The following SH3D19 variants were observed in gnomAD, a reference collection of about 807,000 sequenced individuals.
SH3D19 encodes the protein SH3 domain-containing protein 19.
SH3D19 carries 58 observed loss-of-function variants against 112.1 expected under a neutral mutation model. That is an observed-to-expected ratio of 0.52 (90% CI 0.42 to 0.64). SH3D19 has a LOEUF of 0.64. Ranked by LOEUF, SH3D19 falls within the 30% of genes least tolerant of loss-of-function variation. The pLI, the probability that SH3D19 is intolerant of heterozygous loss-of-function variation, is 0.00. For missense variants in SH3D19, 1,090 were observed against 1,263.4 expected, an observed-to-expected ratio of 0.86 and a Z score of 2.08; for synonymous variants, 391 against 448.5, an observed-to-expected ratio of 0.87 and a Z score of 1.62.
chr4:151,265,900 C>T (rs1772753218), intron 1 of SH3D19, among the ~76,000 whole-genome samples: 2 of 151,992 alleles, frequency 1.3e-5, no homozygotes, highest in Non-Finnish European at 1.5e-5. Flanking sequence ...ATACTTATTA[C>T]AGCAGCTTTG....
Position 151,174,790 on chromosome 4 carries a change from C to T in SH3D19, c.1414G>A (p.Val472Ile). The T allele has an allele frequency of 6.4e-7, 1 of 1,556,682 alleles. No individual in the cohort carries two copies. Among genetic ancestry groups the T allele is most frequent in the African/African-American group, 1.4e-5 (1 of 72,988 alleles). The change falls in exon 7 of 20, where the codon GTT (valine) becomes ATT (isoleucine). Residue 472 changes from valine to isoleucine, a missense_variant. By Grantham distance (29) the Val-to-Ile change is conservative. Transcript: ENST00000604030. ...LGEGPPANPPVPVLQSKPLVD... is the reference protein window; with the variant it reads ...LGEGPPANPPIPVLQSKPLVD... ...AAGGGCTTGCTCTGCAGAACTGGAA[C>T]TGGGGGGTTGGCTGGGGGCCCTTCT...
intron 1 of SH3D19, among the ~76,000 whole-genome samples, chr4:151,259,130 C>T (rs1364619190): frequency 6.6e-6 from 1 of 152,080 alleles, no homozygotes; most frequent in Non-Finnish European, 1.5e-5. Context: ...GCCCAGGTAA[C>T]AGAGTGAGAC....
At chr4:151,228,179 G>T in intron 1 of SH3D19, 1 of 399,640 alleles carries the variant, frequency 2.5e-6, no homozygotes. Context: ...ATCTGCTGGG[G>T]GAAATTTTAA....
At chr4:151,319,023 CATT>C (rs1730281288) in intron 1 of SH3D19, among the ~76,000 whole-genome samples, 1 of 152,126 alleles carries the variant, frequency 6.6e-6, no homozygotes, top group Admixed American at 6.5e-5. Context: ...ATTTTGCATA[CATT>C]ATATTGATGG....
At chr4:151,273,659 G>C (rs1025910663) in intron 1 of SH3D19, among the ~76,000 whole-genome samples, 8 of 148,426 alleles carry the variant, frequency 5.4e-5, no homozygotes, top group Admixed American at 2.0e-4. Flanking sequence ...CAGAGGGAAA[G>C]GACTCTCTGG....
intron 14 of SH3D19, among the ~76,000 whole-genome samples, 194 bp from the exon 15 acceptor site, chr4:151,135,326 T>G (rs553585827): frequency 6.6e-6 from 1 of 151,946 alleles, no homozygotes; most frequent in Non-Finnish European, 1.5e-5. Context: ...GTGTAACTTG[T>G]GAAGTAGCCT....
intron 9 of SH3D19, among the ~76,000 whole-genome samples, chr4:151,151,743 A>G (rs1755098166): frequency 6.6e-6 from 1 of 152,212 alleles, no homozygotes; most frequent in East Asian, 1.9e-4. Context: ...ACTGCTGCCT[A>G]TATTTTTCCT....
At chr4:151,177,248 T>C (rs1029930058) in intron 4 of SH3D19, among the ~76,000 whole-genome samples, 2 of 152,348 alleles carry the variant, frequency 1.3e-5, no homozygotes, top group South Asian at 2.1e-4. Context: ...GTAAGGCCTA[T>C]ACAATCTCTT....
rs149357650 is a variant in SH3D19 at position 151,211,642 on chromosome 4, A to C, written c.152+14405T>G. Among the ~76,000 whole-genome samples, 166 of 152,202 alleles carry C rather than the reference A, an allele frequency of 1.1e-3. 1 individual carries two copies. In the East Asian group the frequency reaches 0.019, roughly 17 times the overall value. ...CTATCCCAGGGACCACATGAATGAT[A>C]AGAAAGTGAAACAGCCTTGTTGCTG... On this transcript the variant is annotated intron_variant, in intron 2 of 19. Coordinates refer to ENST00000604030, the MANE Select transcript of SH3D19 (RefSeq NM_001378122.1).
chr4:151,245,939 T>G (rs1770913879), intron 1 of SH3D19, among the ~76,000 whole-genome samples: 1 of 151,928 alleles, frequency 6.6e-6, no homozygotes, highest in Non-Finnish European at 1.5e-5. Flanking sequence ...TGACCCATTC[T>G]CATTTCCCAA....
At chr4:151,162,870 C>T (rs1404253322) in intron 8 of SH3D19, among the ~76,000 whole-genome samples, 1 of 152,190 alleles carries the variant, frequency 6.6e-6, no homozygotes, top group African/African-American at 2.4e-5. Context: ...CCACCACACC[C>T]AGCCACAGGA....
intron 1 of SH3D19, chr4:151,291,543 G>C (rs1354705176): frequency 1.1e-6 from 1 of 876,316 alleles, no homozygotes; most frequent in Non-Finnish European, 1.7e-6. Context: ...GGAAGTTTTG[G>C]GGTTGGAATG....
chr4:151,318,871 A>G (rs1056720619), intron 1 of SH3D19, among the ~76,000 whole-genome samples: 7 of 152,188 alleles, frequency 4.6e-5, no homozygotes, highest in Non-Finnish European at 8.8e-5. Context: ...GATACCCACC[A>G]TGGACTACTT....
At chr4:151,211,904 G>A (rs1426989885) in intron 2 of SH3D19, among the ~76,000 whole-genome samples, 1 of 152,208 alleles carries the variant, frequency 6.6e-6, no homozygotes, top group Non-Finnish European at 1.5e-5. Context: ...TGCAAGTGCT[G>A]ATGGAAAAGC....
At chr4:151,310,137 C>A (rs976674563) in intron 1 of SH3D19, among the ~76,000 whole-genome samples, 5 of 149,026 alleles carry the variant, frequency 3.4e-5, no homozygotes, top group Non-Finnish European at 5.9e-5. Context: ...ACTTTGGGAG[C>A]CTGAGGCAGG....
chr4:151,148,932 G>A (rs1490914067), intron 10 of SH3D19, among the ~76,000 whole-genome samples: 4 of 152,124 alleles, frequency 2.6e-5, no homozygotes, highest in African/African-American at 4.8e-5. Flanking sequence ...CAGCTACTTG[G>A]GAGGCTGAGG....
At chr4:151,196,215 T>C (rs1763446808) in intron 2 of SH3D19, among the ~76,000 whole-genome samples, 1 of 152,092 alleles carries the variant, frequency 6.6e-6, no homozygotes, top group South Asian at 2.1e-4. Flanking sequence ...TCTATACATA[T>C]AATAAGAAAC....
At chr4:151,243,951 G>A (rs986239439) in intron 1 of SH3D19, among the ~76,000 whole-genome samples, 16 of 152,256 alleles carry the variant, frequency 1.1e-4, no homozygotes, top group African/African-American at 3.9e-4. Context: ...CTTCTTCAAA[G>A]AGTAAAAAAT....
At chr4:151,220,320 A>C (rs1361474360) in intron 2 of SH3D19, among the ~76,000 whole-genome samples, 1 of 152,216 alleles carries the variant, frequency 6.6e-6, no homozygotes, top group Non-Finnish European at 1.5e-5. Flanking sequence ...ATGGATATCA[A>C]AGGGGATTAT....
Sources: allele counts gnomAD v4.1 joint callset (sites outside exome capture counted in the v4.1 genomes callset), GRCh38; gene constraint gnomAD v4.1.1; transcripts MANE v1.5; gene names NCBI Gene and HGNC (gene_info 2026-07-23, HGNC 2026-07-21).